Variants in CDHR2 observed in about 807,000 individuals in gnomAD.
CDHR2 encodes the protein cadherin related family member 2.
In CDHR2, 104 loss-of-function variants were observed where a neutral mutation model predicts 138.6. That is an observed-to-expected ratio of 0.75 (90% CI 0.64 to 0.88). The LOEUF (loss-of-function observed/expected upper bound fraction) is 0.88. Among genes scored for constraint, CDHR2 ranks in the 40% least tolerant of loss-of-function variants. The pLI is 0.00. For missense variants in CDHR2, 1,624 were observed against 1,727.6 expected, an observed-to-expected ratio of 0.94 and a Z score of 1.06; for synonymous variants, 755 against 742.8, an observed-to-expected ratio of 1.02 and a Z score of -0.27.
At position 176,589,348 on chromosome 5, in the gene CDHR2, C is replaced by A; in HGVS notation, c.3027C>A (p.Asp1009Glu). The A allele has an allele frequency of 6.4e-7, 1 of 1,556,042 alleles. No homozygotes were observed. The highest frequency in any genetic ancestry group is 8.7e-7 in the Non-Finnish European group (1 of 1,150,618). Residue 1009 changes from aspartate (D) to glutamate (E), a missense_variant, in exon 23 of 32, where the codon GAC (aspartate) becomes GAA (glutamate). Physicochemically the swap from Asp to Glu is conservative, Grantham distance 45 (BLOSUM62 2). Around this residue, in one of 3 missense-constraint regions of CDHR2, gnomAD observed 556 missense variants for 565.7 expected, o/e 0.98. Coordinates refer to ENST00000261944, the MANE Select transcript of CDHR2 (RefSeq NM_017675.6). The part of the protein sequence containing the change: ...AGSIQPVTSL[D>E]STLQGTYQVT... ...TCCGCAGGCCGGTGACCAGCCTCGA[C>A]TCCACTCTCCAAGGCACCTACCAAG...
chr5:176,552,535 G>A (rs1047302944), intron 1 of CDHR2, among the ~76,000 whole-genome samples: 5 of 152,234 alleles, frequency 3.3e-5, no homozygotes, highest in Non-Finnish European at 7.3e-5. Flanking sequence ...GGGAGCCATG[G>A]AGGAGATTTG....
At chr5:176,583,665 T>C (rs1363511499) in intron 17 of CDHR2, among the ~76,000 whole-genome samples, 1 of 151,978 alleles carries the variant, frequency 6.6e-6, no homozygotes, top group Non-Finnish European at 1.5e-5. Context: ...CAGGAGCAGG[T>C]CTAAGCTTCT....
At chr5:176,571,163 G>T in intron 5 of CDHR2, 50 bp from the exon 6 acceptor site, 1 of 1,275,584 alleles carries the variant, frequency 7.8e-7, no homozygotes, top group Non-Finnish European at 1.1e-6. Context: ...CAACTTTTCT[G>T]GTGTTTTAAA....
At chr5:176,547,875 C>G (rs1158876364), upstream of CDHR2, 1 of 152,204 alleles carries the variant, frequency 6.6e-6, no homozygotes, top group Non-Finnish European at 1.5e-5. Flanking sequence ...GGGAAGCAAA[C>G]TATTAAAATG....
In CDHR2 at chr5:176,576,601, G is replaced by C. The variant is rs1758388886; in HGVS notation, c.1194+416G>C. The stretch of plus-strand genomic sequence containing the variant: ...GCTCTTTTTTTTTTTTTTTGAGATG[G>C]AATTTCGCTCTGTCACCCAGGCTGG... On this transcript the variant is annotated intron_variant, in intron 12 of 31. Coordinates refer to ENST00000261944, the MANE Select transcript of CDHR2 (RefSeq NM_017675.6). This position sits in a 1 kb window ranked among gnomAD's most constrained non-coding sequence, Gnocchi z 4.5. 6.7e-6 allele frequency among the ~76,000 whole-genome samples: 1 copy of C among 148,788 alleles called. No individual in the cohort carries two copies. Among genetic ancestry groups the C allele is most frequent in the Non-Finnish European group, 1.5e-5 (1 of 67,294 alleles).
rs560412911 is a variant in CDHR2 at position 176,552,957 on chromosome 5, C to A, written c.-16+3543C>A. ...GCCCACATGCAGGGGAGAGACTGTG[C>A]GTGCATCACACAAATGCAAAGGGGC... On this transcript the variant is annotated intron_variant, in intron 1 of 31. Transcript: ENST00000261944. Among the ~76,000 whole-genome samples, 90 of 152,274 alleles carry A rather than the reference C, an allele frequency of 5.9e-4. 2 individuals carry two copies. The highest frequency in any genetic ancestry group is 9.8e-4 in the Admixed American group (15 of 15,296).
chr5:176,577,667 T>A lies in CDHR2; in HGVS notation c.1381T>A (p.Phe461Ile). ...VVATDSVSQN[F>I]SVAMVTIHLR... is the part of the protein sequence containing the mutation. Reference sequence around the variant, plus strand: ...GGCCACAGACTCCGTCAGCCAGAACTTCTCCGTCGCCATGGTGACCATCCA... The same window carrying A: ...GGCCACAGACTCCGTCAGCCAGAACATCTCCGTCGCCATGGTGACCATCCA... The change falls in exon 14 of 32, where the codon TTC (phenylalanine) becomes ATC (isoleucine). Residue 461 changes from phenylalanine to isoleucine, a missense_variant. Phe to Ile is a conservative substitution (Grantham distance 21, BLOSUM62 0). This residue lies in a region of CDHR2 where 1,061 missense variants were observed against 1,136.6 expected (regional missense o/e 0.93). Transcript: ENST00000261944. 3 of 1,614,198 alleles carry A rather than the reference T, an allele frequency of 1.9e-6. No homozygotes were observed. Among genetic ancestry groups the A allele is most frequent in the Non-Finnish European group, 2.5e-6 (3 of 1,180,026 alleles).
Position 176,577,488 on chromosome 5 carries a change from C to G in CDHR2, c.1284C>G (p.Ser428=). ...CGGAGCGGGCAGTGGGCTCAGCCTC[C>G]GTTCAGGTGCTGGTGAGAGTATCCG... ...VSPERAVGSA[S]VQVLVRVSAL... is the part of the protein sequence containing the mutation. The change falls in exon 13 of 32, where the codon TCC becomes TCG. Residue 428 remains serine (S), a synonymous_variant. Transcript: ENST00000261944. The G allele has an allele frequency of 6.2e-7, 1 of 1,611,674 alleles. No homozygotes were observed. Among genetic ancestry groups the G allele is most frequent in the South Asian group, 1.1e-5 (1 of 90,532 alleles).
chr5:176,590,400 G>A, intron 26 of CDHR2, 25 bp from the exon 27 acceptor site: 1 of 1,614,160 alleles, frequency 6.2e-7, no homozygotes. Flanking sequence ...AGGTCCCTCG[G>A]GCCTAAGTGG....
In CDHR2 at chr5:176,575,742, G is replaced by T; in HGVS notation, c.863G>T (p.Trp288Leu). ...YSISYSTRPG[W>L]FDIGADGVIR... Reference sequence around the variant, plus strand: ...TTGCCAGACTCCACGCGGCCCGGCTGGTTTGACATCGGGGCAGATGGGGTG... The same window carrying T: ...TTGCCAGACTCCACGCGGCCCGGCTTGTTTGACATCGGGGCAGATGGGGTG... Residue 288 changes from tryptophan to leucine, a missense_variant, in exon 11 of 32, where the codon TGG becomes TTG. Physicochemically the swap from Trp to Leu is moderately conservative, Grantham distance 61. Around this residue, in one of 3 missense-constraint regions of CDHR2, gnomAD observed 1,061 missense variants for 1,136.6 expected, o/e 0.93. Transcript: ENST00000261944. The T allele has an allele frequency of 6.4e-7, 1 of 1,573,448 alleles. No individual in the cohort carries two copies. The highest frequency in any genetic ancestry group is 8.6e-7 in the Non-Finnish European group (1 of 1,158,742).
Position 176,584,679 on chromosome 5 carries a change from G to T in CDHR2, c.2398G>T (p.Asp800Tyr), listed in dbSNP as rs752963052. 14 of 1,614,158 alleles carry T rather than the reference G, an allele frequency of 8.7e-6. No homozygotes were observed. In the East Asian group the frequency reaches 3.1e-4, roughly 36 times the overall value. Residue 800 changes from aspartate (D) to tyrosine (Y), a missense_variant, in exon 19 of 32, where the codon GAC becomes TAC. This residue lies in a region of CDHR2 where 1,061 missense variants were observed against 1,136.6 expected (regional missense o/e 0.93). Coordinates refer to ENST00000261944, the MANE Select transcript of CDHR2 (RefSeq NM_017675.6). ...AGTAGACGTCTGCGTGAATGTGAAA[G>T]ACGTGAACGACAATCCCCCCACCCT... ...TIVDVCVNVKDVNDNPPTLDV... is the reference protein window; with the variant it reads ...TIVDVCVNVKYVNDNPPTLDV...
chr5:176,560,297 G>A (rs1354110246), intron 1 of CDHR2, among the ~76,000 whole-genome samples: 1 of 152,090 alleles, frequency 6.6e-6, no homozygotes, highest in African/African-American at 2.4e-5. Flanking sequence ...TCGGGAGGCT[G>A]AGGCAGGAGA....
At chr5:176,587,408 A>G (rs1758695332) in intron 21 of CDHR2, among the ~76,000 whole-genome samples, 1 of 152,118 alleles carries the variant, frequency 6.6e-6, no homozygotes, top group African/African-American at 2.4e-5. Context: ...AGATCACGCC[A>G]TTGCACTCCA....
At chr5:176,546,436 G>A (rs1330389654), upstream of CDHR2, among the ~76,000 whole-genome samples, 2 of 151,954 alleles carry the variant, frequency 1.3e-5, no homozygotes, top group African/African-American at 4.8e-5. Context: ...ATTGTGTTGG[G>A]CATTGTGCTC....
At position 176,543,798 on chromosome 5, in the gene CDHR2, G is replaced by A. The variant is rs1051828550; in HGVS notation, c.-16+1029G>A. On this transcript the variant is annotated intron_variant, in intron 1 of 31. Coordinates refer to the CDHR2 transcript ENST00000510636. The surrounding 1 kb of genome is among the most constrained non-coding windows in gnomAD (Gnocchi z 4.0). ...TCTGACCCTCACTTTTCAAGTCTGC[G>A]GAATGGAATTGATGATACCTTCTTC... The A allele has an allele frequency of 6.6e-6, 1 of 152,230 alleles. No homozygotes were observed. The highest frequency in any genetic ancestry group is 1.5e-5 in the Non-Finnish European group (1 of 68,060). The allele number at this position is 152,230 out of a possible 1,614,324, so 9.4% of individuals were successfully genotyped here.
chr5:176,569,370 G>A (rs1159524805), intron 5 of CDHR2, among the ~76,000 whole-genome samples: 25 of 149,674 alleles, frequency 1.7e-4, no homozygotes, highest in African/African-American at 5.6e-4. Flanking sequence ...TGCAAGCTCC[G>A]CCTCCTGGGT....
rs780918306 is a variant in CDHR2, at chr5:176,565,372, C to T, written c.20C>T (p.Ser7Phe). ...GATGTGATGGCCCAGCTATGGCTGT[C>T]CTGCTTCCTCCTTCCTGCCCTCGTG... Reference protein sequence around the residue: MAQLWLSCFLLPALVVS... With the variant: MAQLWLFCFLLPALVVS... The change falls in exon 2 of 32, where the codon TCC becomes TTC. Residue 7 changes from serine (S) to phenylalanine (F), a missense_variant. Transcript: ENST00000261944. The T allele has an allele frequency of 1.2e-6, 2 of 1,614,160 alleles. No homozygotes were observed. Among genetic ancestry groups the T allele is most frequent in the Non-Finnish European group, 1.7e-6 (2 of 1,180,000 alleles).
At position 176,584,725 on chromosome 5, in the gene CDHR2, G is replaced by A; in HGVS notation, c.2444G>A (p.Gly815Asp). ...ACCCTGGATGTAGCCTCACTCCGGG[G>A]CATCCGTGTGGCTGAGAATGGCTCA... ...PPTLDVASLR[G>D]IRVAENGSQH... Residue 815 changes from glycine to aspartate, a missense_variant, in exon 19 of 32, where the codon GGC becomes GAC. By Grantham distance (94) the Gly-to-Asp change is moderately conservative. Coordinates refer to ENST00000261944, the MANE Select transcript of CDHR2 (RefSeq NM_017675.6). 10 of 1,614,190 alleles carry A rather than the reference G, an allele frequency of 6.2e-6. No homozygotes were observed. The highest frequency in any genetic ancestry group is 5.3e-5 in the African/African-American group (4 of 75,068).
In CDHR2 at chr5:176,584,820, G is replaced by C. The variant is rs554321529; in HGVS notation, c.2539G>C (p.Val847Leu). ...DTSAQLEIQL[V>L]NILCTKAGVD... ...CAGTGCCCAGCTGGAGATACAGCTTGTGAACATTCTCTGCACCAAGGCCGG... is the reference window on the plus strand; with the variant it reads ...CAGTGCCCAGCTGGAGATACAGCTTCTGAACATTCTCTGCACCAAGGCCGG... The change falls in exon 19 of 32, where the codon GTG becomes CTG. Residue 847 changes from valine (V) to leucine (L), a missense_variant. Coordinates refer to ENST00000261944, the MANE Select transcript of CDHR2 (RefSeq NM_017675.6). 3 of 1,614,234 alleles carry C rather than the reference G, an allele frequency of 1.9e-6. No individual in the cohort carries two copies. In the African/African-American group the frequency reaches 4.0e-5, roughly 22 times the overall value.
Sources: allele counts gnomAD v4.1 joint callset (sites outside exome capture counted in the v4.1 genomes callset), GRCh38; gene constraint gnomAD v4.1.1; regional missense constraint gnomAD v4.1.1; non-coding constraint Gnocchi (gnomAD v3.1); transcripts MANE v1.5; gene names NCBI Gene and HGNC (gene_info 2026-07-23, HGNC 2026-07-21).